Variants in CYP3A4 observed in about 807,000 individuals in gnomAD.
The protein encoded by CYP3A4 is cytochrome P450 family 3 subfamily A member 4, also known as cytochrome P450 3A4.
A neutral mutation model predicts 54.9 loss-of-function variants in CYP3A4; 41 were observed. The observed-to-expected ratio is 0.75, with a 90% CI of 0.58 to 0.97. The LOEUF (loss-of-function observed/expected upper bound fraction) is 0.97, where lower values mean the gene tolerates loss of function less well. Ranked by LOEUF, CYP3A4 falls within the 50% of genes least tolerant of loss-of-function variation. The pLI, the probability that CYP3A4 is intolerant of heterozygous loss-of-function variation, is 0.00. For synonymous variants in CYP3A4, 179 were observed against 205.2 expected, an observed-to-expected ratio of 0.87 and a Z score of 1.09; for missense variants, 510 against 597.3, an observed-to-expected ratio of 0.85 and a Z score of 1.52.
At position 99,782,621 on chromosome 7, in the gene CYP3A4, C is replaced by T. The variant is rs548838073; in HGVS notation, c.71+1390G>A. On this transcript the variant is annotated intron_variant, in intron 1 of 12. Transcript: ENST00000651514. ...AACATGTTTGTCCTTTGAGTGACCT[C>T]CACTACGGGGCCAGGACCCATGAAT... is the stretch of plus-strand genomic sequence containing the variant. Among the ~76,000 whole-genome samples the T allele has an allele frequency of 5.8e-4, 89 of 152,142 alleles. 1 individual carries two copies. Among genetic ancestry groups the T allele is most frequent in the South Asian group, 1.0e-3 (5 of 4,806 alleles).
rs574903802 is a variant in CYP3A4 at position 99,777,074 on chromosome 7, T to A, written c.218+954A>T. ...CAGCAGAGTATAAATGGTTTGCCAA[T>A]CTATTTCTCTATTATCTCTCAACCC... On this transcript the variant is annotated intron_variant, in intron 3 of 12. Transcript: ENST00000651514. Among the ~76,000 whole-genome samples, 277 of 152,304 alleles carry A rather than the reference T, an allele frequency of 1.8e-3. 1 individual carries two copies. Among genetic ancestry groups the A allele is most frequent in the Non-Finnish European group, 3.3e-3 (226 of 68,020 alleles).
At chr7:99,783,916 C>T (rs1815991820) in intron 1 of CYP3A4, 95 bp downstream of exon 1, 5 of 1,429,656 alleles carry the variant, frequency 3.5e-6, no homozygotes, top group Admixed American at 3.4e-5. Context: ...GCCTGAACAT[C>T]TTTTTTGATC....
In CYP3A4 at chr7:99,760,861, T is replaced by C. The variant is rs1459636078; in HGVS notation, c.1374A>G (p.Arg458=). ...GTTTGAAGGAGAAGTTCTGAAGGACTCTGATTAGAGCAAGTTTCATGTTCA... is the reference window on the plus strand; with the variant it reads ...GTTTGAAGGAGAAGTTCTGAAGGACCCTGATTAGAGCAAGTTTCATGTTCA... ...ALMNMKLALI[R]VLQNFSFKPC... The change falls in exon 12 of 13, where the codon AGA becomes AGG. Residue 458 remains arginine, a synonymous_variant. Coordinates refer to ENST00000651514, the MANE Select transcript of CYP3A4 (RefSeq NM_017460.6). 1 of 1,614,032 alleles carries C rather than the reference T, an allele frequency of 6.2e-7. No individual in the cohort carries two copies. Among genetic ancestry groups the C allele is most frequent in the African/African-American group, 1.3e-5 (1 of 74,944 alleles).
rs2151552227 is a variant in CYP3A4 at position 99,758,974 on chromosome 7, C to A, written c.1417-746G>T. On this transcript the variant is annotated intron_variant, in intron 12 of 12. Transcript: ENST00000651514. ...GGACACAACAGAGTGATATTCTGAT[C>A]TCCATGGAGTAATGGGCAAGAAAAT... Among the ~76,000 whole-genome samples the A allele has an allele frequency of 2.0e-5, 3 of 152,292 alleles. No homozygotes were observed. In the South Asian group the frequency reaches 6.2e-4, roughly 32 times the overall value.
chr7:99,777,961 C>T (rs1815815393), intron 3 of CYP3A4, 67 bp downstream of exon 3: 2 of 1,284,756 alleles, frequency 1.6e-6, no homozygotes, highest in South Asian at 2.4e-5. Flanking sequence ...TGAGACTGTC[C>T]TCTGTGCAGT....
chr7:99,778,441 G>A (rs1465795892), intron 2 of CYP3A4, among the ~76,000 whole-genome samples: 1 of 152,186 alleles, frequency 6.6e-6, no homozygotes, highest in Non-Finnish European at 1.5e-5. Context: ...CTGAGGCCAA[G>A]GGAAAGTGAA....
At chr7:99,769,661 T>C (rs1815575118) in intron 6 of CYP3A4, 107 bp downstream of exon 6, 1 of 1,352,472 alleles carries the variant, frequency 7.4e-7, no homozygotes. Flanking sequence ...ACAGCCCTCC[T>C]TTTGTCTGGT....
In CYP3A4 at chr7:99,767,140, A is replaced by G. The variant is rs763680303; in HGVS notation, c.789T>C (p.Asp263=). Residue 263 remains aspartate (D), a synonymous_variant, in exon 8 of 13, where the codon GAT becomes GAC. Transcript: ENST00000651514. ...VKRMKESRLE[D]TQKHRVDFLQ... ...TACCACCACATTTTACCTTTTGTGT[A>G]TCTTCGAGGCGACTTTCTTTCATCC... 5.0e-6 allele frequency: 8 copies of G among 1,608,518 alleles called. No individual in the cohort carries two copies. In the East Asian group the frequency reaches 1.6e-4, roughly 31 times the overall value.
intron 3 of CYP3A4, among the ~76,000 whole-genome samples, chr7:99,776,517 A>T (rs1685004136): frequency 6.6e-6 from 1 of 152,244 alleles, no homozygotes; most frequent in African/African-American, 2.4e-5. Flanking sequence ...AGCCATAAAA[A>T]AACAATGAGT....
At chr7:99,779,460 A>T (rs553223012) in intron 2 of CYP3A4, among the ~76,000 whole-genome samples, 27 of 152,212 alleles carry the variant, frequency 1.8e-4, no homozygotes, top group Admixed American at 3.3e-4. Context: ...GGAATTTAGC[A>T]TTTTTCGGAG....
rs575516082 is a variant in CYP3A4 at position 99,756,993 on chromosome 7, G to C, written c.*1140C>G. 6 of 152,276 alleles carry C rather than the reference G, an allele frequency of 3.9e-5. No individual in the cohort carries two copies. The East Asian group carries it at 7.7e-4, about 20-fold the overall frequency. 9.4% of individuals were successfully genotyped at this position (152,276 alleles called of 1,614,324 possible). ...TGCTCAATCAATTGACCAATCGACTGTTTTTTATTAAGTGTTCATTGCATC... is the reference window on the plus strand; with the variant it reads ...TGCTCAATCAATTGACCAATCGACTCTTTTTTATTAAGTGTTCATTGCATC... On this transcript the variant is annotated 3_prime_UTR_variant, in exon 13 of 13. Transcript: ENST00000651514.
At chr7:99,762,545 T>C (rs1815366812) in intron 10 of CYP3A4, among the ~76,000 whole-genome samples, 1 of 151,956 alleles carries the variant, frequency 6.6e-6, no homozygotes, top group Non-Finnish European at 1.5e-5. Flanking sequence ...TGTCTATATA[T>C]ATATACACAC....
At chr7:99,771,122 T>C (rs758518795) in intron 4 of CYP3A4, among the ~76,000 whole-genome samples, 1 of 151,798 alleles carries the variant, frequency 6.6e-6, no homozygotes. Context: ...CCTAGTGCAA[T>C]AGACAAAAGA....
chr7:99,768,404 G>A lies in CYP3A4; in HGVS notation c.620C>T (p.Thr207Ile), dbSNP rs774262240. 1 of 1,613,992 alleles carries A rather than the reference G, an allele frequency of 6.2e-7. No homozygotes were observed. The highest frequency in any genetic ancestry group is 8.5e-7 in the Non-Finnish European group (1 of 1,179,926). ...AAAATCAAATCTTAAAAGCTTCTTG[G>A]TGTTTTCCACAAAGGGGTCTTGTGG... ...NNPQDPFVENTKKLLRFDFLD... is the reference protein window; with the variant it reads ...NNPQDPFVENIKKLLRFDFLD... Residue 207 changes from threonine to isoleucine, a missense_variant, in exon 7 of 13, where the codon ACC (threonine) becomes ATC (isoleucine). Transcript: ENST00000651514.
At position 99,784,147 on chromosome 7, in the gene CYP3A4, G is replaced by A. The variant is rs1311917089; in HGVS notation, c.-66C>T. 1.4e-6 allele frequency: 2 copies of A among 1,468,240 alleles called. No individual in the cohort carries two copies. The highest frequency in any genetic ancestry group is 2.3e-5 in the East Asian group (1 of 43,812). The allele number at this position is 1,468,240 out of a possible 1,614,324, so 91.0% of individuals were successfully genotyped here. On this transcript the variant is annotated 5_prime_UTR_variant, in exon 1 of 13. Coordinates refer to ENST00000651514, the MANE Select transcript of CYP3A4 (RefSeq NM_017460.6). ...TTCAGCTCTGTGTTGCTCTTTGCTG[G>A]GCTATGTGCATGGAGCTTTCCTGCC...
chr7:99,769,897 G>C, intron 5 of CYP3A4, 41 bp from the exon 6 acceptor site: 1 of 1,613,416 alleles, frequency 6.2e-7, no homozygotes, highest in Non-Finnish European at 8.5e-7. Context: ...TAAATGTGCA[G>C]ACTCTAGTCC....
rs1404274740 is a variant in CYP3A4 at position 99,767,228 on chromosome 7, T to C, written c.701A>G (p.Glu234Gly). Residue 234 changes from glutamate to glycine, a missense_variant, in exon 8 of 13, where the codon GAA (glutamate) becomes GGA (glycine). Transcript: ENST00000651514. Reference protein sequence around the residue: ...TVFPFLIPILEVLNICVFPRE... With the variant: ...TVFPFLIPILGVLNICVFPRE... The stretch of plus-strand genomic sequence containing the variant: ...TGGAAACACACAGATATTTAATACT[T>C]CAAGAATTGGGATGAGGAATGGAAA... 6.2e-7 allele frequency: 1 copy of C among 1,604,640 alleles called. No individual in the cohort carries two copies. Among genetic ancestry groups the C allele is most frequent in the Non-Finnish European group, 8.5e-7 (1 of 1,176,624 alleles).
intron 12 of CYP3A4, among the ~76,000 whole-genome samples, chr7:99,760,585 G>A (rs1478870679): frequency 6.6e-6 from 1 of 152,182 alleles, no homozygotes; most frequent in Non-Finnish European, 1.5e-5. Context: ...CAAGGAGACT[G>A]CAGATAATTA....
chr7:99,769,791 T>C lies in CYP3A4; in HGVS notation c.498A>G (p.Thr166=). The C allele has an allele frequency of 6.2e-7, 1 of 1,614,006 alleles. No individual in the cohort carries two copies. Among genetic ancestry groups the C allele is most frequent in the Non-Finnish European group, 8.5e-7 (1 of 1,179,904 alleles). Residue 166 remains threonine (T), a synonymous_variant, in exon 6 of 13, where the codon ACA becomes ACG. Transcript: ENST00000651514. ...LVRNLRREAE[T]GKPVTLKDVF... is the part of the protein sequence containing the mutation. ...ACTCTTTCAAGGTGACAGGCTTGCCTGTCTCTGCTTCCCGCCTCAGATTTC... is the reference window on the plus strand; with the variant it reads ...ACTCTTTCAAGGTGACAGGCTTGCCCGTCTCTGCTTCCCGCCTCAGATTTC...
Sources: allele counts gnomAD v4.1 joint callset (sites outside exome capture counted in the v4.1 genomes callset), GRCh38; gene constraint gnomAD v4.1.1; transcripts MANE v1.5; gene names NCBI Gene and HGNC (gene_info 2026-07-23, HGNC 2026-07-21).